The following TBXAS1 variants were observed in gnomAD, a reference collection of about 807,000 sequenced individuals.
TBXAS1 encodes the protein thromboxane A synthase 1, also known as thromboxane-A synthase.
TBXAS1 carries 48 observed loss-of-function variants against 60.7 expected under a neutral mutation model. The ratio of observed to expected loss-of-function variants is 0.79; its 90% confidence interval spans 0.63 to 1.01. TBXAS1 has a LOEUF of 1.01. Among genes scored for constraint, TBXAS1 ranks in the 50% least tolerant of loss-of-function variants. The pLI, the probability that TBXAS1 is intolerant of heterozygous loss-of-function variation, is 0.00. For missense variants in TBXAS1, 685 were observed against 686.3 expected (o/e 1.00, Z 0.02); for synonymous variants, 287 against 269.7 (o/e 1.06, Z -0.63).
At chr7:139,907,986 A>G (rs1056192730) in intron 3 of TBXAS1, among the ~76,000 whole-genome samples, 11 of 151,900 alleles carry the variant, frequency 7.2e-5, no homozygotes, top group South Asian at 2.1e-4. Context: ...TAGTAGCTGC[A>G]GTGTTTGTAG....
chr7:139,791,297 T>C (rs966006708), intron 4 of TBXAS1, among the ~76,000 whole-genome samples: 3 of 152,210 alleles, frequency 2.0e-5, no homozygotes, highest in African/African-American at 7.2e-5. Flanking sequence ...GCCTTCCACA[T>C]AGTAATTCAG....
intron 9 of TBXAS1, among the ~76,000 whole-genome samples, chr7:139,978,578 C>G (rs1169558045): frequency 6.6e-6 from 1 of 151,832 alleles, no homozygotes; most frequent in African/African-American, 2.4e-5. Context: ...AACACGCGCT[C>G]TGTTCTTGGT....
At chr7:139,821,836 C>T (rs1639487619) in intron 4 of TBXAS1, among the ~76,000 whole-genome samples, 1 of 152,266 alleles carries the variant, frequency 6.6e-6, no homozygotes, top group Non-Finnish European at 1.5e-5. Flanking sequence ...ACACCCTCCA[C>T]TTTGCCAAAG....
chr7:139,866,859 C>T (rs1801456060), intron 1 of TBXAS1, among the ~76,000 whole-genome samples: 1 of 152,096 alleles, frequency 6.6e-6, no homozygotes, highest in Admixed American at 6.5e-5. Flanking sequence ...AAGAGAATGA[C>T]AATATAAAGA....
intron 5 of TBXAS1, among the ~76,000 whole-genome samples, chr7:139,943,983 C>T (rs1808495551): frequency 6.6e-6 from 1 of 152,152 alleles, no homozygotes; most frequent in South Asian, 2.1e-4. Context: ...ATATTGCCCC[C>T]AGGTCCACCA....
At chr7:139,932,269 G>T (rs1807398159) in intron 4 of TBXAS1, among the ~76,000 whole-genome samples, 1 of 151,438 alleles carries the variant, frequency 6.6e-6, no homozygotes, top group African/African-American at 2.4e-5. Flanking sequence ...AGAAAAAAGA[G>T]TGTCTGGAGT....
intron 12 of TBXAS1, among the ~76,000 whole-genome samples, chr7:140,018,636 C>T (rs186716415): frequency 6.9e-6 from 1 of 145,200 alleles, no homozygotes; most frequent in Non-Finnish European, 1.5e-5. Flanking sequence ...TGCTTTCACA[C>T]TCACAGCAAC....
At chr7:140,011,247 AC>A (rs912226953) in intron 10 of TBXAS1, among the ~76,000 whole-genome samples, 28 of 151,100 alleles carry the variant, frequency 1.9e-4, no homozygotes, top group African/African-American at 5.6e-4. Flanking sequence ...ACTGCACTCC[AC>A]CCTGGGCGGC....
intron 11 of TBXAS1, among the ~76,000 whole-genome samples, chr7:140,016,197 G>C (rs191417732): frequency 7.2e-5 from 11 of 151,818 alleles, no homozygotes; most frequent in Non-Finnish European, 1.5e-4. Flanking sequence ...GCGTGGTGGC[G>C]GGCGCCTGTA....
intron 4 of TBXAS1, among the ~76,000 whole-genome samples, chr7:139,821,843 A>T (rs769407393): frequency 7.9e-5 from 12 of 152,200 alleles, no homozygotes; most frequent in Non-Finnish European, 1.3e-4. Context: ...CCACTTTGCC[A>T]AAGCCAGGAA....
At chr7:139,862,775 GTCTC>G (rs1403769494) in intron 1 of TBXAS1, among the ~76,000 whole-genome samples, 1 of 152,102 alleles carries the variant, frequency 6.6e-6, no homozygotes, top group Non-Finnish European at 1.5e-5. Flanking sequence ...GAATCCCTCT[GTCTC>G]TCTCTTTCTC....
chr7:139,995,921 TCTAA>T (rs768839728), intron 9 of TBXAS1, among the ~76,000 whole-genome samples: 23 of 152,276 alleles, frequency 1.5e-4, no homozygotes, highest in Non-Finnish European at 3.1e-4. Context: ...TCATCCCCTC[TCTAA>T]CTACTCATCC....
At chr7:139,938,157 G>C (rs552985958) in intron 5 of TBXAS1, among the ~76,000 whole-genome samples, 1 of 152,156 alleles carries the variant, frequency 6.6e-6, no homozygotes, top group Non-Finnish European at 1.5e-5. Flanking sequence ...GGGCTGGCCC[G>C]CGGCCCACAT....
intron 4 of TBXAS1, among the ~76,000 whole-genome samples, chr7:139,820,332 T>C (rs962538771): frequency 1.3e-5 from 2 of 152,120 alleles, no homozygotes; most frequent in African/African-American, 2.4e-5. Context: ...GTGTCATAAA[T>C]TGATAGAGAG....
In TBXAS1 at chr7:139,781,261, A is replaced by G. The variant is rs545715460; in HGVS notation, c.-233+437A>G. On this transcript the variant is annotated intron_variant, in intron 2 of 16. Coordinates refer to the TBXAS1 transcript ENST00000336425. ...CTTCATGAATTGGCAGACTGAGTAT[A>G]CTAATTGTCTCCTTTCCTTCCGGTG... 2.0e-4 allele frequency among the ~76,000 whole-genome samples: 31 copies of G among 152,346 alleles called. No individual in the cohort carries two copies. The South Asian group carries it at 5.6e-3, about 27-fold the overall frequency.
intron 1 of TBXAS1, among the ~76,000 whole-genome samples, chr7:139,838,459 C>T (rs1006321529): frequency 6.6e-6 from 1 of 152,210 alleles, no homozygotes; most frequent in African/African-American, 2.4e-5. Context: ...GATCTAAATT[C>T]TCTTGCCCAT....
chr7:139,867,748 A>C, intron 1 of TBXAS1, among the ~76,000 whole-genome samples: 1 of 152,122 alleles, frequency 6.6e-6, no homozygotes, highest in Non-Finnish European at 1.5e-5. Context: ...GCCCAGGAAG[A>C]GGAGGTTGCA....
At chr7:139,927,988 A>C (rs1488958363) in intron 4 of TBXAS1, among the ~76,000 whole-genome samples, 1 of 152,136 alleles carries the variant, frequency 6.6e-6, no homozygotes, top group East Asian at 1.9e-4. Context: ...AATTTTTACA[A>C]ATTTTATTTA....
At chr7:139,873,733 G>A (rs923602358) in intron 2 of TBXAS1, among the ~76,000 whole-genome samples, 2 of 152,170 alleles carry the variant, frequency 1.3e-5, no homozygotes, top group African/African-American at 4.8e-5. Flanking sequence ...TATAGGTCAG[G>A]ACTTTATGGT....
Sources: allele counts gnomAD v4.1 joint callset (sites outside exome capture counted in the v4.1 genomes callset), GRCh38; gene constraint gnomAD v4.1.1; transcripts MANE v1.5; gene names NCBI Gene and HGNC (gene_info 2026-07-23, HGNC 2026-07-21).